IQCM: variants seen among roughly 807,000 people sequenced by gnomAD.
IQCM encodes IQ motif containing M.
Under a neutral mutation model 57.6 loss-of-function variants are expected in IQCM, and 45 were observed. The ratio of observed to expected loss-of-function variants is 0.78; its 90% CI spans 0.62 to 1.00. The LOEUF is 1.00. Ranked by LOEUF, IQCM falls within the 50% of genes least tolerant of loss-of-function variation. IQCM has a pLI of 0.00. For synonymous variants in IQCM, 148 were observed against 158.9 expected (o/e 0.93, Z 0.51); for missense variants, 468 against 511.6 (o/e 0.91, Z 0.82).
At chr4:149,495,620 G>A (rs542284123) in intron 12 of IQCM, among the ~76,000 whole-genome samples, 1 of 152,186 alleles carries the variant, frequency 6.6e-6, no homozygotes, top group Admixed American at 6.6e-5. Flanking sequence ...CTAAGCATCT[G>A]GGATGGCGAA....
chr4:149,459,062 CAT>C (rs1015549496), intron 12 of IQCM, among the ~76,000 whole-genome samples: 12 of 152,206 alleles, frequency 7.9e-5, no homozygotes, highest in South Asian at 4.1e-4. Flanking sequence ...AATATTCCCA[CAT>C]GTTTCATAGA....
intron 12 of IQCM, among the ~76,000 whole-genome samples, chr4:149,473,329 C>T (rs1739795688): frequency 6.6e-6 from 1 of 152,208 alleles, no homozygotes; most frequent in South Asian, 2.1e-4. Context: ...TGAACAGACA[C>T]TTCTCCAAAG....
chr4:149,436,453 C>T (rs938469757), intron 12 of IQCM, among the ~76,000 whole-genome samples: 2 of 151,992 alleles, frequency 1.3e-5, no homozygotes, highest in African/African-American at 2.4e-5. Context: ...AGACACATAT[C>T]GAAGGTTTGT....
chr4:149,363,421 G>C (rs1298060546), intron 13 of IQCM, among the ~76,000 whole-genome samples: 1 of 152,134 alleles, frequency 6.6e-6, no homozygotes, highest in Non-Finnish European at 1.5e-5. Flanking sequence ...GATATCCAAG[G>C]AGAATTTGTA....
intron 7 of IQCM, among the ~76,000 whole-genome samples, chr4:149,650,731 T>C (rs1422976866): frequency 1.3e-5 from 2 of 152,134 alleles, no homozygotes; most frequent in East Asian, 3.9e-4. Context: ...TGTGGTAATT[T>C]GTTACCACAC....
At chr4:149,438,975 T>C (rs965134091) in intron 12 of IQCM, among the ~76,000 whole-genome samples, 32 of 151,980 alleles carry the variant, frequency 2.1e-4, no homozygotes, top group Admixed American at 3.3e-4. Context: ...TAAATAATAA[T>C]ATAAAATGAG....
At chr4:149,357,409 G>C (rs1038140748) in intron 13 of IQCM, among the ~76,000 whole-genome samples, 1 of 152,104 alleles carries the variant, frequency 6.6e-6, no homozygotes, top group Non-Finnish European at 1.5e-5. Context: ...ATTATTTTGA[G>C]ATACGTCCCA....
chr4:149,376,883 G>C (rs1730734455), intron 13 of IQCM, among the ~76,000 whole-genome samples: 1 of 151,890 alleles, frequency 6.6e-6, no homozygotes, highest in South Asian at 2.1e-4. Context: ...CTTAATTTAG[G>C]CTTTCAGATT....
intron 12 of IQCM, among the ~76,000 whole-genome samples, chr4:149,443,663 A>G (rs1191241499): frequency 3.6e-5 from 2 of 56,076 alleles, no homozygotes; most frequent in Non-Finnish European, 3.2e-5. Flanking sequence ...CCAATGGTAA[A>G]GAAAGGAAAG....
chr4:149,465,576 A>G (rs1291333536), intron 12 of IQCM, among the ~76,000 whole-genome samples: 3 of 152,088 alleles, frequency 2.0e-5, no homozygotes, highest in African/African-American at 7.2e-5. Context: ...CACCACCACA[A>G]CTGGGGGAAA....
At chr4:149,788,695 C>G (rs980813147) in intron 2 of IQCM, among the ~76,000 whole-genome samples, 1 of 152,102 alleles carries the variant, frequency 6.6e-6, no homozygotes. Flanking sequence ...ACATGCATCC[C>G]CATGTTTATT....
At chr4:149,572,875 A>G (rs949365968) in intron 9 of IQCM, among the ~76,000 whole-genome samples, 7 of 152,030 alleles carry the variant, frequency 4.6e-5, no homozygotes, top group African/African-American at 1.4e-4. Context: ...TTGGTTCAAG[A>G]TGCATTTCCA....
At chr4:149,614,858 T>A (rs894676322) in intron 8 of IQCM, among the ~76,000 whole-genome samples, 1 of 152,198 alleles carries the variant, frequency 6.6e-6, no homozygotes, top group African/African-American at 2.4e-5. Flanking sequence ...TTCTAGGGCA[T>A]CCACAAGTGG....
chr4:149,424,422 G>A (rs1448812115), intron 13 of IQCM, among the ~76,000 whole-genome samples: 3 of 149,612 alleles, frequency 2.0e-5, no homozygotes, highest in African/African-American at 7.3e-5. Context: ...CATAACATAT[G>A]GAATTTCAGA....
chr4:149,620,709 C>T (rs1756254056), intron 8 of IQCM, among the ~76,000 whole-genome samples: 1 of 152,194 alleles, frequency 6.6e-6, no homozygotes. Flanking sequence ...AAACCATCAA[C>T]ATGTGGTCAT....
intron 13 of IQCM, among the ~76,000 whole-genome samples, chr4:149,382,771 T>C (rs2111041579): frequency 6.6e-6 from 1 of 152,230 alleles, no homozygotes; most frequent in African/African-American, 2.4e-5. Context: ...ATAAAGGCCC[T>C]ATTATGTAAT....
At chr4:149,756,857 C>T (rs2149951309) in intron 2 of IQCM, among the ~76,000 whole-genome samples, 1 of 152,176 alleles carries the variant, frequency 6.6e-6, no homozygotes, top group South Asian at 2.1e-4. Flanking sequence ...ACAAATGTTC[C>T]CATTGAAATA....
At chr4:149,733,104 A>G (rs1766613930) in intron 5 of IQCM, 140 bp downstream of exon 5, 2 of 735,634 alleles carry the variant, frequency 2.7e-6, no homozygotes, top group Middle Eastern at 4.4e-4. Flanking sequence ...AGCTCTAATA[A>G]TCAGGCCTCC....
chr4:149,755,367 C>G (rs1768863866), intron 2 of IQCM, among the ~76,000 whole-genome samples: 1 of 152,120 alleles, frequency 6.6e-6, no homozygotes, highest in African/African-American at 2.4e-5. Context: ...GGCTAGCTGA[C>G]CTCATTTTCC....
Sources: gnomAD v4.1 joint callset for allele counts (sites outside exome capture counted in the v4.1 genomes callset) on GRCh38, gnomAD v4.1.1 for gene constraint, MANE v1.5 for transcripts, NCBI Gene and HGNC (gene_info 2026-07-23, HGNC 2026-07-21) for gene names.